CLVS1: variants seen among roughly 807,000 people sequenced by gnomAD.
CLVS1 encodes clavesin 1.
A neutral mutation model predicts 33.1 loss-of-function variants in CLVS1; 10 were observed. The ratio of observed to expected loss-of-function variants is 0.30; its 90% CI spans 0.19 to 0.51. The LOEUF (loss-of-function observed/expected upper bound fraction) is 0.51, where lower values mean the gene tolerates loss of function less well. Ranked by LOEUF, CLVS1 falls within the 20% of genes least tolerant of loss-of-function variation. The pLI is 0.97. For synonymous variants in CLVS1, 163 were observed against 166.1 expected, an observed-to-expected ratio of 0.98 and a Z score of 0.14; for missense variants, 343 against 433.4, an observed-to-expected ratio of 0.79 and a Z score of 1.85.
intron 2 of CLVS1, among the ~76,000 whole-genome samples, chr8:61,150,539 C>T (rs1205960337): frequency 6.6e-6 from 1 of 152,102 alleles, no homozygotes; most frequent in Non-Finnish European, 1.5e-5. Flanking sequence ...CACCCCCAGC[C>T]CTCCTCCCCT....
chr8:61,356,767 G>C (rs1812726253), intron 2 of CLVS1, among the ~76,000 whole-genome samples: 2 of 152,244 alleles, frequency 1.3e-5, no homozygotes, highest in South Asian at 2.1e-4. Flanking sequence ...CTGTTCCATT[G>C]ATCTATATCT....
the CLVS1 span, among the ~76,000 whole-genome samples, chr8:60,981,276 G>A: frequency 1.3e-5 from 2 of 152,320 alleles, no homozygotes; most frequent in South Asian, 2.1e-4. Context: ...AAAATACATA[G>A]GAGTATGCCA....
chr8:61,282,296 A>G (rs938021238), intron 2 of CLVS1, among the ~76,000 whole-genome samples: 5 of 152,158 alleles, frequency 3.3e-5, no homozygotes, highest in Non-Finnish European at 7.3e-5. Flanking sequence ...CAGAGGCCAT[A>G]ATTAAGGAGG....
chr8:60,967,468 A>G, the CLVS1 span: 1 of 339,638 alleles, frequency 2.9e-6, no homozygotes, highest in Non-Finnish European at 5.8e-6. Context: ...CCGCATAGAG[A>G]CATAAATCGT....
intron 1 of CLVS1, among the ~76,000 whole-genome samples, chr8:61,065,948 T>A (rs912848539): frequency 1.8e-4 from 28 of 152,188 alleles, no homozygotes; most frequent in African/African-American, 6.8e-4. Flanking sequence ...CATGGAATAA[T>A]CCTCAAAATA....
At chr8:61,440,148 A>T (rs1287202222) in intron 3 of CLVS1, among the ~76,000 whole-genome samples, 1 of 152,204 alleles carries the variant, frequency 6.6e-6, no homozygotes, top group Non-Finnish European at 1.5e-5. Flanking sequence ...GAAGACAAGG[A>T]ATGTGTCTTG....
At chr8:61,241,736 A>G (rs536957612) in intron 2 of CLVS1, among the ~76,000 whole-genome samples, 1 of 152,356 alleles carries the variant, frequency 6.6e-6, no homozygotes, top group South Asian at 2.1e-4. Context: ...ATTTATGATT[A>G]TGCAAATATT....
intron 2 of CLVS1, among the ~76,000 whole-genome samples, chr8:61,271,934 A>G (rs977849193): frequency 1.2e-4 from 18 of 151,820 alleles, no homozygotes; most frequent in African/African-American, 3.2e-4. Context: ...GGGTTTCCTG[A>G]ATACAGCACA....
intron 5 of CLVS1, among the ~76,000 whole-genome samples, chr8:61,479,643 G>A (rs1056061957): frequency 6.6e-6 from 1 of 152,174 alleles, no homozygotes; most frequent in Non-Finnish European, 1.5e-5. Context: ...CATTCCTTTG[G>A]AGGAGGAGAG....
At chr8:61,195,155 A>G (rs367852341) in intron 2 of CLVS1, among the ~76,000 whole-genome samples, 4 of 152,112 alleles carry the variant, frequency 2.6e-5, no homozygotes, top group East Asian at 3.8e-4. Context: ...AGAAAAATAT[A>G]CAAGTAAGTA....
chr8:61,311,947 G>A (rs1009259688), intron 2 of CLVS1, among the ~76,000 whole-genome samples: 2 of 152,186 alleles, frequency 1.3e-5, no homozygotes, highest in East Asian at 3.8e-4. Flanking sequence ...TGTAGAAAGG[G>A]CGTTTTAAAA....
At chr8:61,373,864 A>C (rs1222652903) in intron 2 of CLVS1, among the ~76,000 whole-genome samples, 2 of 152,212 alleles carry the variant, frequency 1.3e-5, no homozygotes, top group African/African-American at 2.4e-5. Context: ...GGCTGGGTTC[A>C]ACTAGGTAGC....
At chr8:61,430,792 T>C (rs912635634) in intron 3 of CLVS1, among the ~76,000 whole-genome samples, 1 of 152,134 alleles carries the variant, frequency 6.6e-6, no homozygotes, top group African/African-American at 2.4e-5. Flanking sequence ...AGTGCACTTG[T>C]TTTGCAGGAT....
rs183836095 is a variant in CLVS1 at position 61,406,620 on chromosome 8, G to A, written c.630+29841G>A. Among the ~76,000 whole-genome samples the A allele has an allele frequency of 1.5e-4, 20 of 136,716 alleles. No homozygotes were observed. In the East Asian group the frequency reaches 2.8e-3, roughly 19 times the overall value. The allele number at this position is 136,716 out of a possible 152,430, so 89.7% of individuals were successfully genotyped here. A position where few individuals can be genotyped will look rare whatever the true frequency, so the allele number is the denominator to read the frequency against. On this transcript the variant is annotated intron_variant, in intron 3 of 5. Coordinates refer to ENST00000325897, the MANE Select transcript of CLVS1 (RefSeq NM_173519.3). The stretch of plus-strand genomic sequence containing the variant: ...TTGACATAGATTTGTTTTTTTTGTG[G>A]GGGGGGGGATGGAGTCTTGCTCTGT...
At chr8:61,248,660 A>G (rs1351322367) in intron 2 of CLVS1, among the ~76,000 whole-genome samples, 2 of 148,648 alleles carry the variant, frequency 1.3e-5, no homozygotes, top group Non-Finnish European at 2.9e-5. Context: ...ATATATATAT[A>G]TGACAGTATG....
chr8:61,253,377 G>T (rs1295578517), intron 2 of CLVS1, among the ~76,000 whole-genome samples: 1 of 152,004 alleles, frequency 6.6e-6, no homozygotes, highest in Non-Finnish European at 1.5e-5. Context: ...TTCAACTTTG[G>T]TGAATCTGAC....
At chr8:61,263,287 A>C (rs1794660799) in intron 2 of CLVS1, among the ~76,000 whole-genome samples, 1 of 152,260 alleles carries the variant, frequency 6.6e-6, no homozygotes, top group African/African-American at 2.4e-5. Flanking sequence ...TTCTTTGAAT[A>C]TAAATTATCA....
At chr8:61,288,443 A>G (rs546216463) in intron 1 of CLVS1, among the ~76,000 whole-genome samples, 1 of 152,188 alleles carries the variant, frequency 6.6e-6, no homozygotes, top group Non-Finnish European at 1.5e-5. Flanking sequence ...GTGTCTTGCC[A>G]CTTAGACAAA....
the CLVS1 span, among the ~76,000 whole-genome samples, chr8:61,033,173 G>GA: frequency 6.6e-6 from 1 of 150,718 alleles, no homozygotes; most frequent in Admixed American, 6.6e-5. Context: ...AAGAAAGAAA[G>GA]AAAGATGTAG....
Sources: allele counts gnomAD v4.1 joint callset (sites outside exome capture counted in the v4.1 genomes callset), GRCh38; gene constraint gnomAD v4.1.1; transcripts MANE v1.5; gene names NCBI Gene and HGNC (gene_info 2026-07-23, HGNC 2026-07-21).